Variants in PARD3 observed in about 807,000 individuals in gnomAD.
The protein encoded by PARD3 is par-3 family cell polarity regulator.
Under a neutral mutation model 155.4 loss-of-function variants are expected in PARD3, and 75 were observed. The observed-to-expected ratio is 0.48, with a 90% CI of 0.40 to 0.58. The LOEUF is 0.58. PARD3 is among the 20% of genes least tolerant of loss of function. PARD3 has a pLI of 0.00. For synonymous variants in PARD3, 576 were observed against 610.5 expected (o/e 0.94, Z 0.83); for missense variants, 1,642 against 1,721.7 (o/e 0.95, Z 0.82).
intron 1 of PARD3, among the ~76,000 whole-genome samples, chr10:34,810,639 T>C (rs888567415): frequency 2.6e-5 from 4 of 152,316 alleles, no homozygotes; most frequent in East Asian, 3.9e-4. Flanking sequence ...TGAAATTACA[T>C]GCTGCGTTTT....
At chr10:34,741,189 T>G (rs896000268) in intron 1 of PARD3, among the ~76,000 whole-genome samples, 2 of 140,060 alleles carry the variant, frequency 1.4e-5, no homozygotes, top group African/African-American at 5.1e-5. Flanking sequence ...TTTTTTTTTT[T>G]TTTTTGTTTG....
intron 20 of PARD3, among the ~76,000 whole-genome samples, chr10:34,289,971 G>A (rs609970): frequency 0.65 from 98,303 of 152,082 alleles, 32,448 homozygotes; most frequent in African/African-American, 0.78. Context: ...AATGAAATAA[G>A]TGTCATTGAA....
At chr10:34,280,730 C>A (rs75591422) in intron 21 of PARD3, among the ~76,000 whole-genome samples, 114 of 152,200 alleles carry the variant, frequency 7.5e-4, no homozygotes, top group Non-Finnish European at 1.2e-3. Context: ...TTGGTATTTC[C>A]CCAGTGACTC....
intron 22 of PARD3, among the ~76,000 whole-genome samples, chr10:34,232,653 T>C (rs1407351026): frequency 1.3e-5 from 2 of 152,048 alleles, no homozygotes; most frequent in African/African-American, 2.4e-5. Context: ...AGAAAGTAAC[T>C]GGGAAGGGTA....
chr10:34,684,820 CACACACACACAT>C (rs1468952308), intron 2 of PARD3, among the ~76,000 whole-genome samples: 206 of 125,610 alleles, frequency 1.6e-3, no homozygotes, highest in African/African-American at 6.1e-3. Context: ...CACACACACA[CACACACACACAT>C]ATATACACAC....
At chr10:34,342,792 G>C (rs984626216) in intron 15 of PARD3, among the ~76,000 whole-genome samples, 1 of 152,108 alleles carries the variant, frequency 6.6e-6, no homozygotes, top group Non-Finnish European at 1.5e-5. Flanking sequence ...TAAACTTGCT[G>C]GGGATTTCAA....
chr10:34,202,059 T>C (rs1951242027), intron 22 of PARD3: 1 of 152,230 alleles, frequency 6.6e-6, no homozygotes, highest in Non-Finnish European at 1.5e-5. Flanking sequence ...GATAACCCAC[T>C]ACCATCGAAC....
At chr10:34,808,987 G>C (rs1257326131) in intron 1 of PARD3, among the ~76,000 whole-genome samples, 2 of 152,196 alleles carry the variant, frequency 1.3e-5, no homozygotes, top group African/African-American at 4.8e-5. Context: ...CTGGCCACCT[G>C]CCTTGAACCT....
intron 9 of PARD3, among the ~76,000 whole-genome samples, chr10:34,380,300 A>G (rs987940742): frequency 6.6e-6 from 1 of 152,172 alleles, no homozygotes; most frequent in Non-Finnish European, 1.5e-5. Flanking sequence ...TAAAATCAAG[A>G]TAGATCTATG....
chr10:34,145,371 T>A (rs1936428), intron 22 of PARD3, among the ~76,000 whole-genome samples: 2 of 151,314 alleles, frequency 1.3e-5, no homozygotes, highest in Non-Finnish European at 2.9e-5. Context: ...AAGATTCTTG[T>A]GTTATTTCTC....
In PARD3 at chr10:34,250,148, T is replaced by TCC. The variant is rs199885357; in HGVS notation, c.3419+19507_3419+19508dup. On this transcript the variant is annotated intron_variant, in intron 22 of 24. Coordinates refer to ENST00000374788, the MANE Select transcript of PARD3 (RefSeq NM_001184785.2). ...TGTTTAAAGAATTAAAGAAAACTGCTCCCCCTCCACACACACACAGCTTTC... is the reference window on the plus strand; with the variant it reads ...TGTTTAAAGAATTAAAGAAAACTGCTCCCCCCCTCCACACACACACAGCTTTC... Among the ~76,000 whole-genome samples the TCC allele has an allele frequency of 2.4e-3, 346 of 147,146 alleles. 8 individuals carry two copies. Among genetic ancestry groups the TCC allele is most frequent in the African/African-American group, 8.7e-3 (325 of 37,416 alleles).
At chr10:34,561,329 A>C (rs2085454265) in intron 2 of PARD3, among the ~76,000 whole-genome samples, 1 of 152,126 alleles carries the variant, frequency 6.6e-6, no homozygotes, top group South Asian at 2.1e-4. Context: ...ATCTTGTTAA[A>C]GGTTTACCAA....
chr10:34,368,252 C>T (rs780771704), intron 12 of PARD3, among the ~76,000 whole-genome samples: 21 of 152,216 alleles, frequency 1.4e-4, no homozygotes, highest in East Asian at 5.8e-4. Flanking sequence ...CAAATAAAAA[C>T]GAACAAAGAC....
At chr10:34,295,528 A>G (rs1279119325) in intron 20 of PARD3, among the ~76,000 whole-genome samples, 1 of 152,160 alleles carries the variant, frequency 6.6e-6, no homozygotes, top group East Asian at 1.9e-4. Flanking sequence ...GGGGAAGCAG[A>G]TCCTGTTTAT....
intron 22 of PARD3, among the ~76,000 whole-genome samples, chr10:34,223,930 C>A (rs1338877487): frequency 6.6e-6 from 1 of 152,202 alleles, no homozygotes; most frequent in Non-Finnish European, 1.5e-5. Context: ...CTTCATGGCT[C>A]TAATCCCAGC....
chr10:34,293,906 A>G (rs1320291888), intron 20 of PARD3, among the ~76,000 whole-genome samples: 1 of 152,186 alleles, frequency 6.6e-6, no homozygotes, highest in Non-Finnish European at 1.5e-5. Flanking sequence ...ACATCTGGTT[A>G]CCATGGTTTT....
chr10:34,783,167 C>T (rs1051011218), intron 1 of PARD3, among the ~76,000 whole-genome samples: 2 of 152,176 alleles, frequency 1.3e-5, no homozygotes, highest in Admixed American at 1.3e-4. Context: ...GTATAACACA[C>T]TGAATGATGG....
intron 1 of PARD3, among the ~76,000 whole-genome samples, chr10:34,756,023 C>CAAT (rs1378634455): frequency 8.6e-5 from 13 of 152,044 alleles, no homozygotes; most frequent in African/African-American, 2.9e-4. Context: ...ACCAAACTTA[C>CAAT]AATAAGTTGT....
intron 5 of PARD3, among the ~76,000 whole-genome samples, chr10:34,441,873 A>C (rs1010687255): frequency 2.0e-5 from 3 of 152,180 alleles, no homozygotes; most frequent in Non-Finnish European, 2.9e-5. Flanking sequence ...TGGCGTTAAT[A>C]TATCCAGGTA....
Sources: gnomAD v4.1 joint callset for allele counts (sites outside exome capture counted in the v4.1 genomes callset) on GRCh38, gnomAD v4.1.1 for gene constraint, MANE v1.5 for transcripts, NCBI Gene and HGNC (gene_info 2026-07-23, HGNC 2026-07-21) for gene names.